Variants in CSMD1 observed in about 807,000 individuals in gnomAD.
CSMD1 encodes the protein CUB and Sushi multiple domains 1.
Under a neutral mutation model 417.5 loss-of-function variants are expected in CSMD1, and 213 were observed. The observed-to-expected ratio is 0.51, with a 90% confidence interval of 0.46 to 0.57. The LOEUF (loss-of-function observed/expected upper bound fraction) is 0.57, where lower values mean the gene tolerates loss of function less well. CSMD1 is among the 20% of genes least tolerant of loss of function. CSMD1 has a pLI of 0.00. For synonymous variants in CSMD1, 2,862 were observed against 1,736.8 expected (o/e 1.65, Z -16.11); for missense variants, 6,923 against 4,529.7 (o/e 1.53, Z -15.17).
chr8:3,103,255 T>C (rs1381265187), intron 46 of CSMD1, among the ~76,000 whole-genome samples: 1 of 152,190 alleles, frequency 6.6e-6, no homozygotes, highest in Non-Finnish European at 1.5e-5. Context: ...TGTAACCAGT[T>C]ATAGAAATAA....
At chr8:4,302,394 G>A (rs1250199917) in intron 3 of CSMD1, among the ~76,000 whole-genome samples, 1 of 152,168 alleles carries the variant, frequency 6.6e-6, no homozygotes, top group African/African-American at 2.4e-5. Flanking sequence ...GGCACTAGTT[G>A]AAAACCTTTA....
chr8:4,906,976 C>T (rs11136790), intron 1 of CSMD1, among the ~76,000 whole-genome samples: 38,005 of 152,098 alleles, frequency 0.25, 5,410 homozygotes, highest in East Asian at 0.52. Context: ...CTAAATATAG[C>T]ACAATTGTAC....
At chr8:3,297,402 G>T (rs1804047474) in intron 25 of CSMD1, among the ~76,000 whole-genome samples, 1 of 152,144 alleles carries the variant, frequency 6.6e-6, no homozygotes, top group Non-Finnish European at 1.5e-5. Flanking sequence ...GCTAGATTAT[G>T]ATACTGGGTA....
intron 1 of CSMD1, among the ~76,000 whole-genome samples, chr8:4,945,302 A>G (rs374294068): frequency 5.4e-4 from 83 of 152,310 alleles, no homozygotes; most frequent in African/African-American, 1.9e-3. Context: ...TGCAAAATAA[A>G]TAAGTCCTGG....
intron 49 of CSMD1, among the ~76,000 whole-genome samples, chr8:3,057,074 A>G (rs1243517383): frequency 3.3e-5 from 5 of 152,166 alleles, no homozygotes; most frequent in African/African-American, 1.2e-4. Flanking sequence ...CAAGAGAAGA[A>G]TAAGTGACTA....
In CSMD1 at chr8:4,205,805, G is replaced by A. The variant is rs543924398; in HGVS notation, c.416-173706C>T. ...ATGCCTGTGTTAGATATTTGTGGGG[G>A]TAAAAATGGAAAATTCTCCCCCATT... On this transcript the variant is annotated intron_variant, in intron 3 of 69. Coordinates refer to ENST00000635120, the MANE Select transcript of CSMD1 (RefSeq NM_033225.6). 8.5e-5 allele frequency among the ~76,000 whole-genome samples: 13 copies of A among 152,114 alleles called. No individual in the cohort carries two copies. In the East Asian group the frequency reaches 2.1e-3, roughly 25 times the overall value.
intron 12 of CSMD1, among the ~76,000 whole-genome samples, chr8:3,421,814 T>C (rs1010629699): frequency 6.6e-6 from 1 of 152,144 alleles, no homozygotes; most frequent in Non-Finnish European, 1.5e-5. Flanking sequence ...ATTCTTGTAT[T>C]TTTCGTACAG....
chr8:3,485,972 G>T (rs960977750), intron 11 of CSMD1, among the ~76,000 whole-genome samples: 2 of 151,994 alleles, frequency 1.3e-5, no homozygotes, highest in African/African-American at 2.4e-5. Context: ...TAACACCAGG[G>T]GTTCAATGAG....
At chr8:4,144,351 T>C (rs1176963257) in intron 3 of CSMD1, among the ~76,000 whole-genome samples, 2 of 151,208 alleles carry the variant, frequency 1.3e-5, no homozygotes, top group African/African-American at 4.9e-5. Flanking sequence ...TTCTTTCTTC[T>C]GTAATTTTCT....
intron 12 of CSMD1, among the ~76,000 whole-genome samples, chr8:3,461,138 A>C (rs1353870): frequency 2.6e-5 from 4 of 152,078 alleles, no homozygotes; most frequent in African/African-American, 7.2e-5. Context: ...CGCTCTGCGG[A>C]ACTGAGGCTG....
chr8:2,998,042 G>C lies in CSMD1; in HGVS notation c.8346C>G (p.Gly2782=), dbSNP rs1195004656. ...GVSRAQCRSN[G]QWSSPLPTCR... is the part of the protein sequence containing the mutation. Reference sequence around the variant, plus strand: ...ACGTGGGCAGAGGGCTACTCCACTGGCCGTTGCTCCGACACTGGGCTCGAG... The same window carrying C: ...ACGTGGGCAGAGGGCTACTCCACTGCCCGTTGCTCCGACACTGGGCTCGAG... Residue 2782 remains glycine (G), a synonymous_variant, in exon 54 of 70, where the codon GGC becomes GGG. Transcript: ENST00000635120. 3 of 1,613,920 alleles carry C rather than the reference G, an allele frequency of 1.9e-6. No homozygotes were observed. Among genetic ancestry groups the C allele is most frequent in the Non-Finnish European group, 2.5e-6 (3 of 1,179,832 alleles).
intron 3 of CSMD1, among the ~76,000 whole-genome samples, chr8:4,248,646 A>G (rs1038038694): frequency 6.6e-6 from 1 of 152,150 alleles, no homozygotes; most frequent in East Asian, 1.9e-4. Flanking sequence ...ATTTTACACC[A>G]TTAAGGACCA....
chr8:4,675,953 T>A (rs373702536), intron 1 of CSMD1, among the ~76,000 whole-genome samples: 3 of 152,226 alleles, frequency 2.0e-5, no homozygotes, highest in South Asian at 2.1e-4. Context: ...ATTTGTTTTA[T>A]GGATGTGTCT....
At chr8:3,832,044 C>T (rs1802408403) in intron 5 of CSMD1, among the ~76,000 whole-genome samples, 3 of 152,160 alleles carry the variant, frequency 2.0e-5, no homozygotes, top group African/African-American at 7.2e-5. Flanking sequence ...TTGCTCTTAT[C>T]ACTGTTACCA....
chr8:4,456,468 A>C (rs1164974550), intron 2 of CSMD1, among the ~76,000 whole-genome samples: 1 of 152,242 alleles, frequency 6.6e-6, no homozygotes, highest in Non-Finnish European at 1.5e-5. Flanking sequence ...GAAAATCACC[A>C]ACAGACAGGG....
intron 42 of CSMD1, among the ~76,000 whole-genome samples, chr8:3,114,019 A>G (rs979089378): frequency 1.3e-5 from 2 of 152,142 alleles, no homozygotes; most frequent in Admixed American, 1.3e-4. Flanking sequence ...GGAGTTCGAG[A>G]CTAGTCTGGG....
intron 2 of CSMD1, among the ~76,000 whole-genome samples, chr8:4,455,265 A>G (rs1799398231): frequency 6.6e-6 from 1 of 152,228 alleles, no homozygotes; most frequent in Admixed American, 6.5e-5. Context: ...GTTAAAAAAA[A>G]TAGGAGAAGG....
chr8:4,194,946 G>A (rs899969621), intron 3 of CSMD1, among the ~76,000 whole-genome samples: 20 of 151,662 alleles, frequency 1.3e-4, no homozygotes, highest in African/African-American at 2.4e-5. Flanking sequence ...ATTAGTCCCC[G>A]GGTGAAAATG....
At chr8:3,267,787 A>T (rs974142233) in intron 26 of CSMD1, among the ~76,000 whole-genome samples, 2 of 152,022 alleles carry the variant, frequency 1.3e-5, no homozygotes, top group Non-Finnish European at 2.9e-5. Flanking sequence ...GAGCGGGGAG[A>T]CCAAGGGGTG....
Sources: allele counts gnomAD v4.1 joint callset (sites outside exome capture counted in the v4.1 genomes callset), GRCh38; gene constraint gnomAD v4.1.1; transcripts MANE v1.5; gene names NCBI Gene and HGNC (gene_info 2026-07-23, HGNC 2026-07-21).